The following PDE4D variants were observed in gnomAD, a reference collection of about 807,000 sequenced individuals.
PDE4D encodes the protein 3',5'-cyclic-AMP phosphodiesterase 4D.
PDE4D carries 24 observed loss-of-function variants against 87.4 expected under a neutral mutation model. The ratio of observed to expected loss-of-function variants is 0.27; its 90% CI spans 0.20 to 0.39. PDE4D has a LOEUF of 0.39. PDE4D is among the 10% of genes least tolerant of loss of function. The probability of loss-of-function intolerance (pLI) is 1.00; values close to 1 mark genes in which losing one functional copy is unlikely to be tolerated. For missense variants in PDE4D, 714 were observed against 1,041.0 expected (o/e 0.69, Z 4.32); for synonymous variants, 384 against 383.2 (o/e 1.00, Z -0.02).
chr5:59,639,767 G>A (rs1197397134), intron 1 of PDE4D, among the ~76,000 whole-genome samples: 1 of 151,526 alleles, frequency 6.6e-6, no homozygotes, highest in East Asian at 1.9e-4. Context: ...TGGTTTTACA[G>A]GAGTTCATAA....
intron 1 of PDE4D, among the ~76,000 whole-genome samples, chr5:59,279,666 T>C (rs2153546653): frequency 6.6e-6 from 1 of 152,088 alleles, no homozygotes; most frequent in South Asian, 2.1e-4. Flanking sequence ...CATCACAACA[T>C]CCCTCCAAAG....
intron 1 of PDE4D, among the ~76,000 whole-genome samples, chr5:59,651,833 A>G (rs1437649942): frequency 1.3e-5 from 2 of 152,220 alleles, no homozygotes. Context: ...ATATAGCACC[A>G]TTTGTAGTGG....
At chr5:60,460,438 T>G in intron 1 of PDE4D, 1 of 1,433,440 alleles carries the variant, frequency 7.0e-7, no homozygotes. Context: ...TTGTGGATGC[T>G]TGACAAATGT....
At chr5:59,714,351 T>C (rs1358235674) in intron 1 of PDE4D, among the ~76,000 whole-genome samples, 8 of 152,220 alleles carry the variant, frequency 5.3e-5, no homozygotes, top group Non-Finnish European at 2.9e-5. Context: ...ACTCAAAGAC[T>C]ACTTGCTGCA....
At chr5:59,918,710 A>G (rs775379026) in intron 3 of PDE4D, among the ~76,000 whole-genome samples, 2 of 152,152 alleles carry the variant, frequency 1.3e-5, no homozygotes, top group Non-Finnish European at 2.9e-5. Flanking sequence ...AACCTCTGAT[A>G]TAAGTAACAG....
At chr5:59,255,520 G>A (rs903245757) in intron 1 of PDE4D, among the ~76,000 whole-genome samples, 1 of 151,972 alleles carries the variant, frequency 6.6e-6, no homozygotes, top group Non-Finnish European at 1.5e-5. Context: ...TTTTGGTGAC[G>A]GTTGCAAAAG....
chr5:59,180,723 T>A, intron 4 of PDE4D, 79 bp from the exon 5 acceptor site: 1 of 1,282,040 alleles, frequency 7.8e-7, no homozygotes, highest in Non-Finnish European at 1.1e-6. Context: ...ATTTCAGATA[T>A]AGCATTTTAC....
At chr5:60,499,879 T>C (rs775611197) in intron 1 of PDE4D, among the ~76,000 whole-genome samples, 2 of 152,350 alleles carry the variant, frequency 1.3e-5, no homozygotes, top group Middle Eastern at 3.4e-3. Context: ...GTTAGCCCTC[T>C]TGGCTTCAGA....
At chr5:59,997,919 T>C (rs1011309819) in intron 2 of PDE4D, among the ~76,000 whole-genome samples, 1 of 152,210 alleles carries the variant, frequency 6.6e-6, no homozygotes, top group Non-Finnish European at 1.5e-5. Flanking sequence ...AGTTTGTCCA[T>C]AGTGACACTA....
chr5:59,914,916 T>C (rs1020171634), intron 3 of PDE4D, among the ~76,000 whole-genome samples: 4 of 147,508 alleles, frequency 2.7e-5, no homozygotes, highest in African/African-American at 1.0e-4. Flanking sequence ...TGTGTGTATG[T>C]GTGTAAAAGG....
chr5:60,312,275 T>C (rs958184511), intron 1 of PDE4D, among the ~76,000 whole-genome samples: 4 of 152,196 alleles, frequency 2.6e-5, no homozygotes, highest in African/African-American at 9.7e-5. Flanking sequence ...GTACATACTC[T>C]AGAATCAACC....
At chr5:59,799,300 G>A (rs983594326) in intron 1 of PDE4D, among the ~76,000 whole-genome samples, 3 of 152,200 alleles carry the variant, frequency 2.0e-5, no homozygotes, top group African/African-American at 7.2e-5. Context: ...TGGATTTTAT[G>A]AAGAGGTATT....
intron 3 of PDE4D, among the ~76,000 whole-genome samples, chr5:59,940,295 T>C (rs972388734): frequency 1.3e-5 from 2 of 152,182 alleles, no homozygotes; most frequent in Non-Finnish European, 2.9e-5. Context: ...CATGATTAGA[T>C]TTGAATTTCA....
chr5:59,886,383 G>A (rs892184332), intron 1 of PDE4D, among the ~76,000 whole-genome samples: 2 of 152,084 alleles, frequency 1.3e-5, no homozygotes, highest in Non-Finnish European at 2.9e-5. Flanking sequence ...CGGACATGGT[G>A]GCAGGCGCCT....
intron 1 of PDE4D, among the ~76,000 whole-genome samples, chr5:59,420,918 A>G (rs188566055): frequency 6.6e-6 from 1 of 152,188 alleles, no homozygotes; most frequent in African/African-American, 2.4e-5. Context: ...ATTTAGGAAA[A>G]CTGTTTACCT....
chr5:59,731,337 A>C (rs1301664767), intron 1 of PDE4D, among the ~76,000 whole-genome samples: 1 of 152,026 alleles, frequency 6.6e-6, no homozygotes. Context: ...CCGTGGGAGC[A>C]GTATCGCCAA....
intron 2 of PDE4D, among the ~76,000 whole-genome samples, chr5:60,065,682 G>GA (rs1771981079): frequency 6.6e-6 from 1 of 151,900 alleles, no homozygotes; most frequent in Admixed American, 6.6e-5. Context: ...GTGAGAATAT[G>GA]CGTGTTTGCT....
intron 5 of PDE4D, among the ~76,000 whole-genome samples, chr5:59,165,701 A>C: frequency 6.6e-6 from 1 of 152,230 alleles, no homozygotes; most frequent in Non-Finnish European, 1.5e-5. Flanking sequence ...GAGCACAAGC[A>C]TCTGTAAGTC....
chr5:59,981,296 A>C (rs946292793), intron 3 of PDE4D, among the ~76,000 whole-genome samples: 4 of 152,140 alleles, frequency 2.6e-5, no homozygotes, highest in Non-Finnish European at 5.9e-5. Flanking sequence ...TCACAAATTT[A>C]CAAAGTTTAA....
Sources: gnomAD v4.1 joint callset for allele counts (sites outside exome capture counted in the v4.1 genomes callset) on GRCh38, gnomAD v4.1.1 for gene constraint, MANE v1.5 for transcripts, NCBI Gene and HGNC (gene_info 2026-07-23, HGNC 2026-07-21) for gene names.